Variants in ATP2B2 observed in about 807,000 individuals in gnomAD.
The protein encoded by ATP2B2 is plasma membrane calcium-transporting ATPase 2.
ATP2B2 carries 15 observed loss-of-function variants against 120.0 expected under a neutral mutation model. The observed-to-expected ratio is 0.12, with a 90% confidence interval of 0.08 to 0.19. The LOEUF is 0.19. ATP2B2 is among the 10% of genes least tolerant of loss of function. The pLI is 1.00. For missense variants in ATP2B2, 1,045 were observed against 1,719.8 expected (o/e 0.61, Z 6.94); for synonymous variants, 694 against 700.3 (o/e 0.99, Z 0.14).
At chr3:10,684,411 C>T (rs1344895482) in intron 1 of ATP2B2, among the ~76,000 whole-genome samples, 1 of 152,214 alleles carries the variant, frequency 6.6e-6, no homozygotes, top group African/African-American at 2.4e-5. Context: ...CTGACACCCT[C>T]ATCCTTGTAC....
At chr3:10,517,400 A>T (rs567924647) in intron 3 of ATP2B2, among the ~76,000 whole-genome samples, 1 of 152,308 alleles carries the variant, frequency 6.6e-6, no homozygotes, top group East Asian at 1.9e-4. Flanking sequence ...AGTGTGGGCC[A>T]TGGTTTCCCC....
intron 3 of ATP2B2, among the ~76,000 whole-genome samples, chr3:10,517,887 C>T (rs546375298): frequency 2.0e-5 from 3 of 152,284 alleles, no homozygotes; most frequent in Admixed American, 6.5e-5. Flanking sequence ...GTTGAGGGAG[C>T]GATGGCTGCA....
At chr3:10,420,373 T>G (rs898536445) in intron 2 of ATP2B2, among the ~76,000 whole-genome samples, 1 of 152,030 alleles carries the variant, frequency 6.6e-6, no homozygotes, top group Non-Finnish European at 1.5e-5. Context: ...TTTTTTTTTT[T>G]TTTTTGAGAC....
chr3:10,344,956 C>G (rs1574965245), intron 18 of ATP2B2, among the ~76,000 whole-genome samples: 1 of 152,212 alleles, frequency 6.6e-6, no homozygotes, highest in South Asian at 2.1e-4. Context: ...CAGTCCAGAG[C>G]CAGGGCCCCA....
intron 22 of ATP2B2, chr3:10,336,055 G>A: frequency 6.7e-7 from 1 of 1,491,694 alleles, no homozygotes; most frequent in Admixed American, 2.0e-5. Flanking sequence ...CATGTCCTCT[G>A]GTGCCCCAGC....
chr3:10,418,300 G>C (rs1341140435), intron 2 of ATP2B2, among the ~76,000 whole-genome samples: 1 of 152,204 alleles, frequency 6.6e-6, no homozygotes, highest in South Asian at 2.1e-4. Context: ...GTGGAACATG[G>C]TTAATTAATC....
At chr3:10,621,251 C>A (rs918870642) in intron 1 of ATP2B2, among the ~76,000 whole-genome samples, 5 of 152,180 alleles carry the variant, frequency 3.3e-5, no homozygotes, top group Non-Finnish European at 5.9e-5. Flanking sequence ...CCAGCCTGTC[C>A]CCTTCCCAGA....
intron 1 of ATP2B2, among the ~76,000 whole-genome samples, chr3:10,452,284 T>G (rs762255141): frequency 2.0e-5 from 3 of 151,584 alleles, no homozygotes; most frequent in Non-Finnish European, 4.4e-5. Flanking sequence ...CTGGGGAGAG[T>G]GTTGGCATTT....
intron 12 of ATP2B2, among the ~76,000 whole-genome samples, chr3:10,370,849 G>A (rs954502210): frequency 6.6e-6 from 1 of 152,182 alleles, no homozygotes; most frequent in Non-Finnish European, 1.5e-5. Context: ...GGAGCTGATG[G>A]ACATCTGGAT....
chr3:10,556,357 G>T (rs2067779045), intron 2 of ATP2B2, among the ~76,000 whole-genome samples: 1 of 152,206 alleles, frequency 6.6e-6, no homozygotes, highest in Admixed American at 6.5e-5. Context: ...GGTGAACAAG[G>T]TCTCTGCTCC....
chr3:10,675,592 T>G (rs189898426), intron 1 of ATP2B2, among the ~76,000 whole-genome samples: 98 of 152,088 alleles, frequency 6.4e-4, no homozygotes, highest in African/African-American at 2.3e-3. Context: ...CCACCAGGAG[T>G]TCCGGTGTAG....
At chr3:10,668,906 C>A (rs111623116) in intron 1 of ATP2B2, among the ~76,000 whole-genome samples, 1 of 152,192 alleles carries the variant, frequency 6.6e-6, no homozygotes, top group Non-Finnish European at 1.5e-5. Flanking sequence ...CATGCACAAT[C>A]GTGACTGCTC....
In ATP2B2 at chr3:10,409,641, T is replaced by C. The variant is rs188160006; in HGVS notation, c.397+977A>G. On this transcript the variant is annotated intron_variant, in intron 3 of 22. Coordinates refer to ENST00000360273, the MANE Select transcript of ATP2B2 (RefSeq NM_001001331.4). ...AGAAATCAACTTATTATGTGTAAAA[T>C]TGAGGTAGTTGGCCTAATAGACTTG... Among the ~76,000 whole-genome samples, 225 of 152,290 alleles carry C rather than the reference T, an allele frequency of 1.5e-3. 4 individuals are homozygous for C. The highest frequency in any genetic ancestry group is 1.5e-3 in the Non-Finnish European group (101 of 68,024).
intron 1 of ATP2B2, among the ~76,000 whole-genome samples, chr3:10,704,560 A>C (rs73128093): frequency 0.046 from 6,944 of 152,240 alleles, 320 homozygotes; most frequent in African/African-American, 0.11. Flanking sequence ...ACACATCCAC[A>C]AAGCTGGCCC....
intron 1 of ATP2B2, among the ~76,000 whole-genome samples, chr3:10,646,633 C>A (rs999242958): frequency 1.3e-5 from 2 of 152,142 alleles, no homozygotes; most frequent in Non-Finnish European, 2.9e-5. Context: ...CGCCACCCAC[C>A]CAGCGGACAT....
intron 1 of ATP2B2, among the ~76,000 whole-genome samples, chr3:10,486,556 C>T (rs1176327026): frequency 6.6e-6 from 1 of 152,152 alleles, no homozygotes; most frequent in Non-Finnish European, 1.5e-5. Context: ...AGGATCTTCG[C>T]ACTGGCTGAC....
intron 2 of ATP2B2, among the ~76,000 whole-genome samples, chr3:10,558,667 C>G (rs953253979): frequency 3.3e-5 from 5 of 152,192 alleles, no homozygotes; most frequent in Admixed American, 6.5e-5. Flanking sequence ...CCCAGTTTAA[C>G]CCTTAAACCC....
intron 1 of ATP2B2, among the ~76,000 whole-genome samples, chr3:10,484,538 G>A (rs959817490): frequency 1.3e-5 from 2 of 152,114 alleles, no homozygotes; most frequent in African/African-American, 2.4e-5. Flanking sequence ...CCCTCTGCCT[G>A]TATGAGTTCC....
rs138013890 is a variant in ATP2B2 at position 10,402,122 on chromosome 3, G to T, written c.624C>A (p.Ile208=). Reference sequence around the variant, plus strand: ...TGACCTGGGCTATGTCCCCAACCACGATCTCAGCCACAGGGATCTGGACCA... The same window carrying T: ...TGACCTGGGCTATGTCCCCAACCACTATCTCAGCCACAGGGATCTGGACCA... ...GQVVQIPVAE[I]VVGDIAQVKY... The change falls in exon 4 of 23, where the codon ATC becomes ATA. Residue 208 remains isoleucine (I), a synonymous_variant. Coordinates refer to ENST00000360273, the MANE Select transcript of ATP2B2 (RefSeq NM_001001331.4). This position sits in a 1 kb window ranked among gnomAD's most constrained non-coding sequence, Gnocchi z 4.9. 8.7e-6 allele frequency: 14 copies of T among 1,613,958 alleles called. No individual in the cohort carries two copies. Among genetic ancestry groups the T allele is most frequent in the African/African-American group, 1.3e-5 (1 of 74,898 alleles).
Sources: allele counts gnomAD v4.1 joint callset (sites outside exome capture counted in the v4.1 genomes callset), GRCh38; gene constraint gnomAD v4.1.1; non-coding constraint Gnocchi (gnomAD v3.1); transcripts MANE v1.5; gene names NCBI Gene and HGNC (gene_info 2026-07-23, HGNC 2026-07-21).